The following CLUAP1 variants were observed in gnomAD, a reference collection of about 807,000 sequenced individuals.
CLUAP1 encodes intraflagellar transport 38.
In CLUAP1, 50 loss-of-function variants were observed where a neutral mutation model predicts 55.0. The observed-to-expected ratio is 0.91, with a 90% CI of 0.72 to 1.15. CLUAP1 has a LOEUF of 1.15. CLUAP1 is among the 50% of genes most tolerant of loss of function. The pLI is 0.00. For missense variants in CLUAP1, 530 were observed against 507.6 expected (o/e 1.04, Z -0.42); for synonymous variants, 195 against 175.4 (o/e 1.11, Z -0.88).
chr16:3,524,218 C>T (rs1434577282), intron 8 of CLUAP1, among the ~76,000 whole-genome samples: 1 of 151,290 alleles, frequency 6.6e-6, no homozygotes, highest in Non-Finnish European at 1.5e-5. Context: ...GGAAGGATTG[C>T]TTGAGCCTGG....
rs149518226 is a variant in CLUAP1, at chr16:3,520,702, C to T, written c.713+666C>T. On this transcript the variant is annotated intron_variant, in intron 7 of 11. Coordinates refer to ENST00000576634, the MANE Select transcript of CLUAP1 (RefSeq NM_015041.3). The stretch of plus-strand genomic sequence containing the variant: ...GCCATAAATTAGGTAGAAACAGAAA[C>T]ATACTCCTGCCTGTTTGTTGGCATA... Among the ~76,000 whole-genome samples the T allele has an allele frequency of 6.1e-3, 925 of 152,274 alleles. 13 individuals are homozygous for T. The highest frequency in any genetic ancestry group is 0.021 in the African/African-American group (875 of 41,564).
rs185845931 is a variant in CLUAP1, at chr16:3,502,524, C to T, written c.22+1435C>T. On this transcript the variant is annotated intron_variant, in intron 1 of 11. Transcript: ENST00000576634. ...AGGGGTCTCTTAAAGCCAGTTTTCTCGTCCAATTGTTGGTGCCTGAAATTT... is the reference window on the plus strand; with the variant it reads ...AGGGGTCTCTTAAAGCCAGTTTTCTTGTCCAATTGTTGGTGCCTGAAATTT... 4.5e-4 allele frequency among the ~76,000 whole-genome samples: 69 copies of T among 151,734 alleles called. 1 individual carries two copies. The East Asian group carries it at 9.5e-3, about 21-fold the overall frequency.
intron 8 of CLUAP1, among the ~76,000 whole-genome samples, chr16:3,525,588 C>T (rs181109472): frequency 9.2e-5 from 14 of 152,136 alleles, no homozygotes; most frequent in African/African-American, 3.4e-4. Flanking sequence ...AACGGGGTCT[C>T]ACTCTGTTGC....
intron 10 of CLUAP1, among the ~76,000 whole-genome samples, chr16:3,531,463 A>G (rs1266875385): frequency 6.6e-6 from 1 of 152,028 alleles, no homozygotes; most frequent in Non-Finnish European, 1.5e-5. Context: ...CGGAGCTTGC[A>G]GTGAGCCGAG....
Position 3,529,594 on chromosome 16 carries a change from AT to A in CLUAP1, c.929-972del, listed in dbSNP as rs1446059437. The stretch of plus-strand genomic sequence containing the variant: ...TATATATTATATAATATTATATATT[AT>A]TATATATTATATATTATATAATATT... On this transcript the variant is annotated intron_variant, in intron 9 of 11. Transcript: ENST00000576634. Among the ~76,000 whole-genome samples, 120 of 41,422 alleles carry A rather than the reference AT, an allele frequency of 2.9e-3. 5 individuals carry two copies. The highest frequency in any genetic ancestry group is 0.012 in the African/African-American group (96 of 8,182). The allele number at this position is 41,422 out of a possible 152,430, so 27.2% of individuals were successfully genotyped here. A position where few individuals can be genotyped will look rare whatever the true frequency, so the allele number is the denominator to read the frequency against.
At chr16:3,495,830 G>A in the CLUAP1 span, among the ~76,000 whole-genome samples, 1 of 152,184 alleles carries the variant, frequency 6.6e-6, no homozygotes, top group Non-Finnish European at 1.5e-5. Context: ...AAGGGGCTGG[G>A]GGCGGTGGCT....
Position 3,526,408 on chromosome 16 carries a change from A to G in CLUAP1, c.856-4A>G. 2 of 1,598,472 alleles carry G rather than the reference A, an allele frequency of 1.3e-6. No individual in the cohort carries two copies. Among genetic ancestry groups the G allele is most frequent in the Non-Finnish European group, 1.7e-6 (2 of 1,174,798 alleles). On this transcript the variant is annotated splice_region_variant and splice_polypyrimidine_tract_variant and intron_variant, in intron 8 of 11. Transcript: ENST00000576634. ...CTCCTGAGTCTGTATTTCCTCTTCC[A>G]CAGGAAGCTAAAAACACTCTCTGCC...
rs1567436929 is a variant in CLUAP1, at chr16:3,526,424, ACT to A, written c.873_874del (p.Cys292ProfsTer19). On this transcript the variant is annotated frameshift_variant, in exon 9 of 12. Coordinates refer to ENST00000576634, the MANE Select transcript of CLUAP1 (RefSeq NM_015041.3). LOFTEE classifies it high-confidence loss of function. ...TCCTCTTCCACAGGAAGCTAAAAAC[ACT>A]CTCTGCCTGATACAGAACAAGCTCA... ...EQERFEEAKNTLCLIQNKLKE... is the reference protein window; with the variant it reads ...EQERFEEAKNXLCLIQNKLKE... 1 of 1,604,404 alleles carries A rather than the reference ACT, an allele frequency of 6.2e-7. No individual in the cohort carries two copies. The highest frequency in any genetic ancestry group is 1.1e-5 in the South Asian group (1 of 89,004).
intron 9 of CLUAP1, chr16:3,530,312 G>T (rs1433935103): frequency 2.7e-6 from 1 of 373,784 alleles, no homozygotes; most frequent in Admixed American, 4.6e-5. Flanking sequence ...TAGTTTACCT[G>T]CTCACTTCTC....
At position 3,504,788 on chromosome 16, in the gene CLUAP1, A is replaced by C. The variant is rs747102144; in HGVS notation, c.91A>C (p.Asn31His). Residue 31 changes from asparagine to histidine, a missense_variant, in exon 2 of 12, where the codon AAT (asparagine) becomes CAT (histidine). Asn to His is a moderately conservative substitution (Grantham distance 68). Coordinates refer to ENST00000576634, the MANE Select transcript of CLUAP1 (RefSeq NM_015041.3). ...HISMENFRTP[N>H]FGLVSEVLLW... ...TTCTATGGAAAATTTCCGTACACCC[A>C]ATTTTGGACTTGTATCTGAAGTGCT... is the stretch of plus-strand genomic sequence containing the variant. 1 of 1,613,350 alleles carries C rather than the reference A, an allele frequency of 6.2e-7. No homozygotes were observed. The highest frequency in any genetic ancestry group is 2.2e-5 in the East Asian group (1 of 44,886).
chr16:3,496,268 TCTAA>T, upstream of CLUAP1: 2 of 742,676 alleles, frequency 2.7e-6, no homozygotes, highest in South Asian at 2.7e-5. Context: ...AGCCAGGATA[TCTAA>T]CTGAGGCTGT....
upstream of CLUAP1, among the ~76,000 whole-genome samples, chr16:3,499,543 A>G (rs2037349543): frequency 6.6e-6 from 1 of 152,240 alleles, no homozygotes; most frequent in African/African-American, 2.4e-5. Flanking sequence ...AGCCTTGATC[A>G]TCTCTTCATT....
At chr16:3,501,456 A>G (rs772351497) in intron 1 of CLUAP1, among the ~76,000 whole-genome samples, 3 of 152,206 alleles carry the variant, frequency 2.0e-5, no homozygotes, top group East Asian at 1.9e-4. Flanking sequence ...TTTAGAGACT[A>G]TTTTTTGAGT....
At chr16:3,496,371 C>T, upstream of CLUAP1, 1 of 1,214,026 alleles carries the variant, frequency 8.2e-7, no homozygotes. Flanking sequence ...ATGAGTCGCA[C>T]CAACCGGCCA....
At chr16:3,526,294 G>T (rs955904680) in intron 8 of CLUAP1, 118 bp from the exon 9 acceptor site, 5 of 487,044 alleles carry the variant, frequency 1.0e-5, no homozygotes, top group Non-Finnish European at 1.7e-5. Flanking sequence ...CCTTCCTTGA[G>T]TTTAGCTCTT....
At position 3,529,492 on chromosome 16, in the gene CLUAP1, ATAT is replaced by A. The variant is rs1281490125; in HGVS notation, c.929-1072_929-1070del. ...ATATTATATTATATATTATATAATT[ATAT>A]TATATTATATATATTATATAATTAT... On this transcript the variant is annotated intron_variant, in intron 9 of 11. Transcript: ENST00000576634. 1.7e-3 allele frequency among the ~76,000 whole-genome samples: 115 copies of A among 68,558 alleles called. 2 individuals carry two copies. Among genetic ancestry groups the A allele is most frequent in the Admixed American group, 2.9e-3 (11 of 3,852 alleles). The allele number at this position is 68,558 out of a possible 152,430, so 45.0% of individuals were successfully genotyped here.
chr16:3,504,403 C>T (rs1363449244), intron 1 of CLUAP1, among the ~76,000 whole-genome samples: 1 of 152,096 alleles, frequency 6.6e-6, no homozygotes, highest in Admixed American at 6.5e-5. Flanking sequence ...TTTATAAGGA[C>T]GGGTGTTTCT....
intron 9 of CLUAP1, among the ~76,000 whole-genome samples, chr16:3,528,701 T>C (rs1425726768): frequency 1.3e-5 from 2 of 152,210 alleles, no homozygotes; most frequent in Non-Finnish European, 2.9e-5. Context: ...TGTTTTCTTC[T>C]AGGAGTTCTA....
upstream of CLUAP1, chr16:3,496,467 G>A (rs566795176): frequency 4.8e-6 from 4 of 840,660 alleles, no homozygotes; most frequent in African/African-American, 5.2e-5. Context: ...ACGCTTAACG[G>A]ATGACGCGAG....
Sources: allele counts gnomAD v4.1 joint callset (sites outside exome capture counted in the v4.1 genomes callset), GRCh38; gene constraint gnomAD v4.1.1; transcripts MANE v1.5; gene names NCBI Gene and HGNC (gene_info 2026-07-23, HGNC 2026-07-21).